The following LILRB3 variants were observed in gnomAD, a reference collection of about 807,000 sequenced individuals.
The protein encoded by LILRB3 is leukocyte immunoglobulin like receptor B3, also known as leukocyte immunoglobulin-like receptor subfamily B member 3.
Under a neutral mutation model 68.2 loss-of-function variants are expected in LILRB3, and 32 were observed. The ratio of observed to expected loss-of-function variants is 0.47; its 90% CI spans 0.35 to 0.63. The LOEUF is 0.63. Ranked by LOEUF, LILRB3 falls within the 30% of genes least tolerant of loss-of-function variation. The pLI is 0.00. For synonymous variants in LILRB3, 185 were observed against 323.1 expected, an observed-to-expected ratio of 0.57 and a Z score of 4.58; for missense variants, 502 against 791.3, an observed-to-expected ratio of 0.63 and a Z score of 4.39.
At chr19:54,219,410 G>T in intron 7 of LILRB3, 165 bp from the exon 8 acceptor site, 1 of 1,474,396 alleles carries the variant, frequency 6.8e-7, no homozygotes, top group Non-Finnish European at 9.3e-7. Context: ...ACAAACTGAG[G>T]CTCAGAGCAG....
intron 11 of LILRB3, 144 bp downstream of exon 11, chr19:54,218,217 A>C (rs114258812): frequency 1.9e-5 from 22 of 1,146,518 alleles, no homozygotes; most frequent in South Asian, 1.6e-4. Flanking sequence ...GAGTGAGGTC[A>C]CAGCAGGCGG....
exon 13 of LILRB3, chr19:54,216,500 C>T (rs1202491587): frequency 6.4e-5 from 25 of 390,806 alleles, no homozygotes; most frequent in Non-Finnish European, 8.0e-5. Context: ...TTAGTAGAGA[C>T]GGGGTTTCAC....
rs2077887984 is a variant in LILRB3 at position 54,219,675 on chromosome 19, C to A, written c.1310-430G>T. On this transcript the variant is annotated intron_variant, in intron 7 of 12. Coordinates refer to ENST00000445347, the Ensembl canonical transcript of LILRB3. ...TGGGAGGCCTCCTCTCCCAGGAGGT[C>A]ACAGCTGGGGGTCAGAGCTGAAAGG... 1.8e-5 allele frequency: 26 copies of A among 1,481,488 alleles called. No homozygotes were observed. The South Asian group carries it at 3.6e-4, about 20-fold the overall frequency. The allele number at this position is 1,481,488 out of a possible 1,614,324, so 91.8% of individuals were successfully genotyped here. A position where few individuals can be genotyped will look rare whatever the true frequency, so the allele number is the denominator to read the frequency against.
chr19:54,222,981 T>A (rs2078362763), exon 1 of LILRB3: 2 of 1,612,208 alleles, frequency 1.2e-6, no homozygotes, highest in African/African-American at 2.7e-5. Context: ...CGTCATGGCG[T>A]CTCCTCCCGG....
At chr19:54,221,566 T>C (rs2078179772) in intron 4 of LILRB3, 187 bp from the exon 5 acceptor site, 2 of 1,459,916 alleles carry the variant, frequency 1.4e-6, no homozygotes, top group Non-Finnish European at 1.8e-6. Flanking sequence ...CTGGCCACTG[T>C]GCCTGATCTT....
exon 13 of LILRB3, chr19:54,216,923 T>C: frequency 6.9e-7 from 1 of 1,454,420 alleles, no homozygotes; most frequent in Non-Finnish European, 9.1e-7. Context: ...TGGGACGATA[T>C]TAGTCATCTT....
chr19:54,222,394 T>A, exon 3 of LILRB3: 2 of 1,608,266 alleles, frequency 1.2e-6, no homozygotes, highest in Non-Finnish European at 1.7e-6. Context: ...GAATCTGGCC[T>A]TGTTCTTGGG....
intron 8 of LILRB3, 130 bp downstream of exon 8, chr19:54,218,999 A>C (rs2077778467): frequency 7.2e-6 from 11 of 1,519,540 alleles, no homozygotes; most frequent in Non-Finnish European, 9.7e-6. Flanking sequence ...AAGTTTGTAA[A>C]TGCGTATTGA....
At chr19:54,222,442 C>G (rs1381125108) in exon 3 of LILRB3, 14 of 1,602,758 alleles carry the variant, frequency 8.7e-6, no homozygotes, top group Middle Eastern at 3.3e-4. Flanking sequence ...CTCTGGGCTT[C>G]CCTCTTTATC....
chr19:54,218,687 A>G lies in LILRB3; in HGVS notation c.1503-5T>C, dbSNP rs2147254843. The G allele has an allele frequency of 6.2e-7, 1 of 1,614,098 alleles. No homozygotes were observed. The highest frequency in any genetic ancestry group is 8.5e-7 in the Non-Finnish European group (1 of 1,180,020). ...ACGTCAGCAGCTGGGCTGGACCTGG[A>G]GGAGGACATGGGAGTGTGAGGGGCA... On this transcript the variant is annotated splice_polypyrimidine_tract_variant and splice_region_variant and intron_variant, in intron 9 of 12. Coordinates refer to ENST00000445347, the Ensembl canonical transcript of LILRB3.
chr19:54,219,451 A>C, intron 7 of LILRB3: 1 of 1,534,100 alleles, frequency 6.5e-7, no homozygotes, highest in Non-Finnish European at 8.8e-7. Context: ...TCCAGCGAGG[A>C]AGCGGCAGAG....
chr19:54,218,378 C>T (rs2077703406), exon 11 of LILRB3: 2 of 1,614,166 alleles, frequency 1.2e-6, no homozygotes, highest in Non-Finnish European at 1.7e-6. Flanking sequence ...TCCAGCTCCA[C>T]CCTGTCCTCA....
intron 7 of LILRB3, chr19:54,219,650 T>G: frequency 1.3e-6 from 2 of 1,485,378 alleles, no homozygotes; most frequent in Non-Finnish European, 1.8e-6. Flanking sequence ...GGAGGTTCCC[T>G]GGGAGGCCTC....
intron 10 of LILRB3, 104 bp downstream of exon 10, chr19:54,218,541 C>G: frequency 6.2e-7 from 1 of 1,603,644 alleles, no homozygotes; most frequent in African/African-American, 1.3e-5. Context: ...GCAAGACCAT[C>G]TTCCACGGAG....
exon 4 of LILRB3, chr19:54,221,863 G>A: frequency 6.5e-7 from 1 of 1,537,932 alleles, no homozygotes; most frequent in Non-Finnish European, 8.9e-7. Flanking sequence ...ACTGGGGTGG[G>A]ACCACACCCA....
chr19:54,220,129 C>T (rs535827810), intron 7 of LILRB3, 26 bp downstream of exon 7: 3 of 1,509,140 alleles, frequency 2.0e-6, no homozygotes, highest in Middle Eastern at 1.9e-4. Context: ...GGAGGCGGCG[C>T]TCCCCAAGAG....
chr19:54,218,934 C>T, intron 8 of LILRB3, 96 bp from the exon 9 acceptor site: 1 of 1,577,408 alleles, frequency 6.3e-7, no homozygotes, highest in Non-Finnish European at 8.6e-7. Context: ...AAAAATATTC[C>T]TGCATGGATG....
chr19:54,222,366 T>G, exon 3 of LILRB3: 1 of 1,605,166 alleles, frequency 6.2e-7, no homozygotes, highest in South Asian at 1.1e-5. Context: ...CATGGTGCTG[T>G]GTCATGGATG....
At position 54,217,179 on chromosome 19, in the gene LILRB3, T is replaced by A. The variant is rs1285612206; in HGVS notation, c.1810A>T (p.Arg604Ter). The change falls in exon 13 of 13, where the codon AGA becomes TGA. Residue 604 changes from arginine (R) to a stop codon, truncating the protein, a stop_gained. Coordinates refer to ENST00000445347, the Ensembl canonical transcript of LILRB3. LOFTEE classifies it low-confidence loss of function (END_TRUNC). The stretch of plus-strand genomic sequence containing the variant: ...GGAGGAGGCTCAGTTGCCTTCCGTC[T>A]AAGGGTCAAGCTGTGCAGCTGGGCG... The A allele has an allele frequency of 1.9e-5, 31 of 1,612,194 alleles. No individual in the cohort carries two copies. The highest frequency in any genetic ancestry group is 2.6e-5 in the Non-Finnish European group (31 of 1,179,918).
Sources: gnomAD v4.1 joint callset for allele counts on GRCh38, gnomAD v4.1.1 for gene constraint, MANE v1.5 for transcripts, NCBI Gene and HGNC (gene_info 2026-07-23, HGNC 2026-07-21) for gene names.